The following NOS1AP variants were observed in gnomAD, a reference collection of about 807,000 sequenced individuals.
NOS1AP encodes the protein nitric oxide synthase 1 adaptor protein, also known as carboxyl-terminal PDZ ligand of neuronal nitric oxide synthase protein.
NOS1AP carries 21 observed loss-of-function variants against 56.2 expected under a neutral mutation model. That is an observed-to-expected ratio of 0.37 (90% CI 0.26 to 0.54). NOS1AP has a LOEUF of 0.54. Ranked by LOEUF, NOS1AP falls within the 20% of genes least tolerant of loss-of-function variation. The pLI, the probability that NOS1AP is intolerant of heterozygous loss-of-function variation, is 0.84. For synonymous variants in NOS1AP, 270 were observed against 274.6 expected (o/e 0.98, Z 0.17); for missense variants, 522 against 657.8 (o/e 0.79, Z 2.26).
chr1:162,083,813 C>T (rs1426594924), intron 1 of NOS1AP, among the ~76,000 whole-genome samples: 4 of 152,150 alleles, frequency 2.6e-5, no homozygotes, highest in Admixed American at 6.5e-5. Context: ...GAGGCGCAGG[C>T]TTATTGAAGT....
intron 2 of NOS1AP, among the ~76,000 whole-genome samples, chr1:162,217,275 T>TTTTTTTTTTTTTTTTTTTTTTTTTTTG: frequency 7.9e-6 from 1 of 127,356 alleles, no homozygotes; most frequent in South Asian, 2.6e-4. Context: ...AGCTTTTTTT[T>TTTTTTTTTTTTTTTTTTTTTTTTTTTG]TTTTTTGAGA....
chr1:162,267,143 A>G (rs1654449404), intron 2 of NOS1AP, among the ~76,000 whole-genome samples: 1 of 152,208 alleles, frequency 6.6e-6, no homozygotes, highest in Admixed American at 6.5e-5. Flanking sequence ...AGAACCATGT[A>G]TGGTAGGCCT....
intron 2 of NOS1AP, among the ~76,000 whole-genome samples, chr1:162,207,091 A>G (rs1652187375): frequency 6.6e-6 from 1 of 152,208 alleles, no homozygotes; most frequent in Non-Finnish European, 1.5e-5. Flanking sequence ...ACATAATTAG[A>G]GGGTTTGTTA....
chr1:162,239,701 A>G (rs922614041), intron 2 of NOS1AP, among the ~76,000 whole-genome samples: 9 of 152,210 alleles, frequency 5.9e-5, no homozygotes, highest in Non-Finnish European at 1.2e-4. Context: ...ACATATCACC[A>G]GCTAAGACAG....
At chr1:162,148,322 C>T (rs189579418) in intron 1 of NOS1AP, among the ~76,000 whole-genome samples, 20 of 152,252 alleles carry the variant, frequency 1.3e-4, no homozygotes, top group Non-Finnish European at 2.1e-4. Context: ...GTGGGAGGCA[C>T]GGTCAGCTAG....
Position 162,366,455 on chromosome 1 carries a change from T to A in NOS1AP, c.1106-597T>A, listed in dbSNP as rs151475. Among the ~76,000 whole-genome samples the A allele has an allele frequency of 2.9e-3, 448 of 152,070 alleles. 2 individuals are homozygous for A. The highest frequency in any genetic ancestry group is 4.8e-3 in the Admixed American group (73 of 15,288). On this transcript the variant is annotated intron_variant, in intron 9 of 9. Transcript: ENST00000361897. ...CAGAGCCAAGATTCAAACCTAGATC[T>A]GATTGCAAAATTTTGTTCCAACTAT...
rs543671866 is a variant in NOS1AP at position 162,309,372 on chromosome 1, A to G, written c.344+8666A>G. The stretch of plus-strand genomic sequence containing the variant: ...AGACAAAGATTTTAAAACCAGCTGA[A>G]GGGGAAAAATATATTGCCTACAAAG... On this transcript the variant is annotated intron_variant, in intron 4 of 9. Transcript: ENST00000361897. Among the ~76,000 whole-genome samples, 322 of 152,348 alleles carry G rather than the reference A, an allele frequency of 2.1e-3. 1 individual carries two copies. The highest frequency in any genetic ancestry group is 3.4e-3 in the Non-Finnish European group (233 of 68,030).
chr1:162,111,600 C>T (rs908343657), intron 1 of NOS1AP, among the ~76,000 whole-genome samples: 2 of 152,100 alleles, frequency 1.3e-5, no homozygotes, highest in Non-Finnish European at 2.9e-5. Flanking sequence ...ATGATTTTGG[C>T]GTCTTAAACG....
chr1:162,241,683 G>A (rs1033187707), intron 2 of NOS1AP, among the ~76,000 whole-genome samples: 6 of 152,154 alleles, frequency 3.9e-5, no homozygotes, highest in Non-Finnish European at 8.8e-5. Context: ...CAGAGTCCAG[G>A]CTCTTAATTC....
intron 4 of NOS1AP, among the ~76,000 whole-genome samples, chr1:162,320,271 A>T (rs1488190830): frequency 6.6e-6 from 1 of 152,130 alleles, no homozygotes; most frequent in Admixed American, 6.5e-5. Flanking sequence ...GCAGATGAAA[A>T]TAACAGGAAT....
intron 2 of NOS1AP, among the ~76,000 whole-genome samples, chr1:162,219,895 A>G (rs1002933853): frequency 6.6e-6 from 1 of 152,190 alleles, no homozygotes; most frequent in South Asian, 2.1e-4. Flanking sequence ...TAACATTGAC[A>G]CATTAAATGC....
At chr1:162,093,394 T>C (rs1692174613) in intron 1 of NOS1AP, among the ~76,000 whole-genome samples, 1 of 152,188 alleles carries the variant, frequency 6.6e-6, no homozygotes, top group Non-Finnish European at 1.5e-5. Flanking sequence ...TGGTATACCC[T>C]GTGGACTTTT....
At chr1:162,225,345 T>G (rs1452080634) in intron 2 of NOS1AP, among the ~76,000 whole-genome samples, 1 of 152,046 alleles carries the variant, frequency 6.6e-6, no homozygotes, top group African/African-American at 2.4e-5. Context: ...GTGTTCCCAC[T>G]CCCTAGACCA....
chr1:162,194,742 C>T (rs1348223396), intron 2 of NOS1AP, among the ~76,000 whole-genome samples: 3 of 152,190 alleles, frequency 2.0e-5, no homozygotes, highest in African/African-American at 4.8e-5. Flanking sequence ...TTGCTTTCCT[C>T]GGGGGGTTGG....
intron 2 of NOS1AP, among the ~76,000 whole-genome samples, chr1:162,214,085 C>T (rs1190726067): frequency 6.6e-6 from 1 of 152,182 alleles, no homozygotes; most frequent in Non-Finnish European, 1.5e-5. Context: ...GCCATGTGCA[C>T]ATGAAACTAT....
In NOS1AP at chr1:162,183,670, T is replaced by G. The variant is rs773196279; in HGVS notation, c.177+29194T>G. On this transcript the variant is annotated intron_variant, in intron 2 of 9. Coordinates refer to ENST00000361897, the MANE Select transcript of NOS1AP (RefSeq NM_014697.3). Reference sequence around the variant, plus strand: ...TCCATTTTTATGTTACAGAGACAGCTTCTTTCCTTTAACCTCATGAACCAA... The same window carrying G: ...TCCATTTTTATGTTACAGAGACAGCGTCTTTCCTTTAACCTCATGAACCAA... 1.5e-4 allele frequency among the ~76,000 whole-genome samples: 23 copies of G among 152,270 alleles called. 1 individual carries two copies. The highest frequency in any genetic ancestry group is 2.0e-4 in the Admixed American group (3 of 15,290).
At chr1:162,192,397 G>T (rs759678362) in intron 2 of NOS1AP, among the ~76,000 whole-genome samples, 26 of 152,176 alleles carry the variant, frequency 1.7e-4, no homozygotes, top group Non-Finnish European at 3.7e-4. Flanking sequence ...TTTTGTGTTG[G>T]TGTGTAGCTG....
intron 2 of NOS1AP, among the ~76,000 whole-genome samples, chr1:162,269,461 T>G (rs1654519075): frequency 6.6e-6 from 1 of 152,192 alleles, no homozygotes; most frequent in African/African-American, 2.4e-5. Context: ...TAAAACACAT[T>G]CAGGTTTTAA....
At chr1:162,176,901 G>T (rs567308589) in intron 2 of NOS1AP, among the ~76,000 whole-genome samples, 11 of 152,222 alleles carry the variant, frequency 7.2e-5, no homozygotes, top group African/African-American at 2.2e-4. Flanking sequence ...TGATGATTAC[G>T]AATAAAGCTG....
Sources: allele counts gnomAD v4.1 joint callset (sites outside exome capture counted in the v4.1 genomes callset), GRCh38; gene constraint gnomAD v4.1.1; transcripts MANE v1.5; gene names NCBI Gene and HGNC (gene_info 2026-07-23, HGNC 2026-07-21).